The following MED13L variants were observed in gnomAD, a reference collection of about 807,000 sequenced individuals.
MED13L encodes mediator complex subunit 13L.
In MED13L, 7 loss-of-function variants were observed where a neutral mutation model predicts 220.9. The ratio of observed to expected loss-of-function variants is 0.03; its 90% CI spans 0.02 to 0.06. The LOEUF (loss-of-function observed/expected upper bound fraction) is 0.06. MED13L is among the 10% of genes least tolerant of loss of function. The probability of loss-of-function intolerance (pLI) is 1.00; values close to 1 mark genes in which losing one functional copy is unlikely to be tolerated. For synonymous variants in MED13L, 1,011 were observed against 1,015.2 expected (o/e 1.00, Z 0.08); for missense variants, 1,965 against 2,760.5 (o/e 0.71, Z 6.46).
intron 3 of MED13L, among the ~76,000 whole-genome samples, chr12:116,104,501 A>T (rs1200383187): frequency 6.6e-6 from 1 of 152,244 alleles, no homozygotes; most frequent in Non-Finnish European, 1.5e-5. Flanking sequence ...CAAACAGAGC[A>T]GCTCTGGGCC....
chr12:116,210,164 G>T lies in MED13L; in HGVS notation c.310+27304C>A, dbSNP rs566933996. On this transcript the variant is annotated intron_variant, in intron 2 of 30. Transcript: ENST00000281928. Reference sequence around the variant, plus strand: ...TAATGGTTATACTCAGTTAGCAGAGGCACCCTGAAATGATTTCTAATCACT... The same window carrying T: ...TAATGGTTATACTCAGTTAGCAGAGTCACCCTGAAATGATTTCTAATCACT... 3.0e-3 allele frequency among the ~76,000 whole-genome samples: 456 copies of T among 152,210 alleles called. 5 individuals are homozygous for T. The highest frequency in any genetic ancestry group is 0.01 in the African/African-American group (424 of 41,546).
intron 26 of MED13L, among the ~76,000 whole-genome samples, chr12:115,971,020 A>T (rs1026816576): frequency 4.6e-5 from 7 of 152,242 alleles, no homozygotes; most frequent in African/African-American, 1.4e-4. Context: ...TAAATGTTTT[A>T]ATTACTTACG....
chr12:116,074,726 A>T (rs1015063854), intron 4 of MED13L, among the ~76,000 whole-genome samples: 1 of 152,236 alleles, frequency 6.6e-6, no homozygotes, highest in African/African-American at 2.4e-5. Context: ...TTGATTGGAC[A>T]CACCTGACTA....
In MED13L at chr12:116,107,947, G is replaced by A. The variant is rs948759603; in HGVS notation, c.395+3481C>T. On this transcript the variant is annotated intron_variant, in intron 3 of 30. Transcript: ENST00000281928. Reference sequence around the variant, plus strand: ...TCTACTAAAAATACAAAAATTAGCTGGGCATGGTGGCACGTGCCTGTAGTC... The same window carrying A: ...TCTACTAAAAATACAAAAATTAGCTAGGCATGGTGGCACGTGCCTGTAGTC... Among the ~76,000 whole-genome samples the A allele has an allele frequency of 2.6e-5, 4 of 152,064 alleles. No individual in the cohort carries two copies. The South Asian group carries it at 8.3e-4, about 32-fold the overall frequency.
At chr12:116,227,499 T>C (rs1207948397) in intron 2 of MED13L, among the ~76,000 whole-genome samples, 1 of 152,220 alleles carries the variant, frequency 6.6e-6, no homozygotes, top group Non-Finnish European at 1.5e-5. Context: ...GTGTCACATT[T>C]TGGTAATTCT....
chr12:116,108,531 T>A (rs534100872), intron 3 of MED13L, among the ~76,000 whole-genome samples: 1 of 152,264 alleles, frequency 6.6e-6, no homozygotes, highest in South Asian at 2.1e-4. Context: ...TCATTTAAAT[T>A]AGCTTTCCTA....
chr12:116,250,025 T>TAAAAAAAA (rs71095516), intron 1 of MED13L, among the ~76,000 whole-genome samples: 13 of 40,460 alleles, frequency 3.2e-4, no homozygotes, highest in African/African-American at 4.6e-4. Context: ...CAGCATAAAC[T>TAAAAAAAA]AAAAAAAAAA....
At chr12:116,012,669 C>G in intron 9 of MED13L, 128 bp downstream of exon 9, 1 of 783,528 alleles carries the variant, frequency 1.3e-6, no homozygotes, top group Non-Finnish European at 2.3e-6. Context: ...AAGAAAAAAA[C>G]TAATCTTTTT....
chr12:116,161,763 C>A (rs1177378266), intron 2 of MED13L, among the ~76,000 whole-genome samples: 1 of 152,172 alleles, frequency 6.6e-6, no homozygotes, highest in African/African-American at 2.4e-5. Context: ...GCTAACAAAA[C>A]AAATATATAT....
chr12:116,052,479 G>A (rs1221948227), intron 4 of MED13L, among the ~76,000 whole-genome samples: 1 of 152,166 alleles, frequency 6.6e-6, no homozygotes, highest in Non-Finnish European at 1.5e-5. Context: ...ATATTTTACT[G>A]AACTATACTG....
At chr12:116,149,409 T>G (rs1877854439) in intron 2 of MED13L, among the ~76,000 whole-genome samples, 1 of 152,220 alleles carries the variant, frequency 6.6e-6, no homozygotes, top group South Asian at 2.1e-4. Flanking sequence ...CTGCATGGTT[T>G]AGATAATATG....
intron 25 of MED13L, among the ~76,000 whole-genome samples, chr12:115,974,657 C>T (rs1184146339): frequency 6.6e-6 from 1 of 152,194 alleles, no homozygotes; most frequent in Non-Finnish European, 1.5e-5. Flanking sequence ...GGCTCAAGAA[C>T]ATCAGACAGT....
intron 2 of MED13L, among the ~76,000 whole-genome samples, chr12:116,154,778 A>G (rs779590416): frequency 6.6e-5 from 10 of 152,148 alleles, no homozygotes; most frequent in African/African-American, 1.7e-4. Flanking sequence ...TTTTAAAGCA[A>G]TATTTTTCGA....
chr12:116,132,823 G>A (rs904062462), intron 2 of MED13L, among the ~76,000 whole-genome samples: 9 of 152,046 alleles, frequency 5.9e-5, no homozygotes, highest in African/African-American at 2.2e-4. Flanking sequence ...AGGAGACTGA[G>A]GCAGGAGAAT....
chr12:116,130,076 C>T (rs1372840859), intron 2 of MED13L, among the ~76,000 whole-genome samples: 1 of 152,158 alleles, frequency 6.6e-6, no homozygotes, highest in African/African-American at 2.4e-5. Context: ...ATATCATAAA[C>T]ATTCATGACT....
At chr12:116,078,905 C>A (rs1871022069) in intron 4 of MED13L, among the ~76,000 whole-genome samples, 1 of 152,100 alleles carries the variant, frequency 6.6e-6, no homozygotes, top group African/African-American at 2.4e-5. Context: ...AACTCCACTC[C>A]ATGCAGGCAG....
At chr12:115,987,435 G>A (rs1877770124) in intron 17 of MED13L, 147 bp from the exon 18 acceptor site, 1 of 701,592 alleles carries the variant, frequency 1.4e-6, no homozygotes, top group Admixed American at 2.6e-5. Flanking sequence ...GAGTCAGGAG[G>A]AAAGATATTC....
At chr12:116,097,302 T>C (rs1872705288) in intron 3 of MED13L, among the ~76,000 whole-genome samples, 1 of 152,018 alleles carries the variant, frequency 6.6e-6, no homozygotes, top group Admixed American at 6.6e-5. Context: ...TGCACCACCA[T>C]GTCTGGCTAA....
In MED13L at chr12:116,223,080, T is replaced by C. The variant is rs531693170; in HGVS notation, c.310+14388A>G. On this transcript the variant is annotated intron_variant, in intron 2 of 30. Transcript: ENST00000281928. ...CAGAGAGAGCCTCAGCTAAGCCATA[T>C]TACTTATCATTGCCATGCAGCAAAT... Among the ~76,000 whole-genome samples the C allele has an allele frequency of 3.3e-4, 51 of 152,320 alleles. 1 individual carries two copies. The highest frequency in any genetic ancestry group is 1.1e-3 in the African/African-American group (45 of 41,582).
Sources: gnomAD v4.1 joint callset for allele counts (sites outside exome capture counted in the v4.1 genomes callset) on GRCh38, gnomAD v4.1.1 for gene constraint, MANE v1.5 for transcripts, NCBI Gene and HGNC (gene_info 2026-07-23, HGNC 2026-07-21) for gene names.